VAX1: variants seen among roughly 807,000 people sequenced by gnomAD.
The protein encoded by VAX1 is ventral anterior homeobox 1.
A neutral mutation model predicts 17.6 loss-of-function variants in VAX1; 6 were observed. The observed-to-expected ratio is 0.34, with a 90% CI of 0.19 to 0.67. The LOEUF is 0.67. Ranked by LOEUF, VAX1 falls within the 30% of genes least tolerant of loss-of-function variation. VAX1 has a pLI of 0.69. For synonymous variants in VAX1, 256 were observed against 227.4 expected, an observed-to-expected ratio of 1.13 and a Z score of -1.13; for missense variants, 408 against 463.7, an observed-to-expected ratio of 0.88 and a Z score of 1.10.
rs1343825025 is a variant in VAX1, at chr10:117,136,548, T to A, written c.353A>T (p.Glu118Val). 1.2e-6 allele frequency: 2 copies of A among 1,613,262 alleles called. No homozygotes were observed. The highest frequency in any genetic ancestry group is 3.3e-5 in the Admixed American group (2 of 60,024). Residue 118 changes from glutamate to valine, a missense_variant, in exon 2 of 3, where the codon GAG becomes GTG. Glu to Val is a moderately radical substitution (Grantham distance 121). Around this residue, in one of 4 missense-constraint regions of VAX1, gnomAD observed 75 missense variants for 116.1 expected, o/e 0.65. Transcript: ENST00000369206. This position sits in a 1 kb window ranked among gnomAD's most constrained non-coding sequence, Gnocchi z 5.0. The part of the protein sequence containing the change: ...TAEQLYRLEM[E>V]FQRCQYVVGR... ...CACCACGTACTGGCAGCGCTGGAAC[T>A]CCATCTCCAGCCGATAGAGCTGCTC... is the stretch of plus-strand genomic sequence containing the variant.
rs1170608488 is a variant in VAX1 at position 117,134,905 on chromosome 10, C to G, written c.430-322G>C. ...GACCGGAAAGGGTTTCACTGGCTTC[C>G]GCGCTACCCCGCAGCGGTGTTTGGG... On this transcript the variant is annotated intron_variant, in intron 2 of 2. Transcript: ENST00000369206. This position sits in a 1 kb window ranked among gnomAD's most constrained non-coding sequence, Gnocchi z 6.2. 6.6e-6 allele frequency among the ~76,000 whole-genome samples: 1 copy of G among 152,184 alleles called. No individual in the cohort carries two copies. Among genetic ancestry groups the G allele is most frequent in the African/African-American group, 2.4e-5 (1 of 41,456 alleles).
In VAX1 at chr10:117,133,479, GCAAAGCGGGGC is replaced by G; in HGVS notation, c.*518_*528del. On this transcript the variant is annotated 3_prime_UTR_variant, in exon 3 of 3. Coordinates refer to ENST00000369206, the MANE Select transcript of VAX1 (RefSeq NM_001112704.2). The stretch of plus-strand genomic sequence containing the variant: ...GTGTACCGACTATCCCGAGAGGTCC[GCAAAGCGGGGC>G]CCAGGGGCTCCCACAAGCCCTGGTT... 1 of 985,562 alleles carries G rather than the reference GCAAAGCGGGGC, an allele frequency of 1.0e-6. No individual in the cohort carries two copies. Among genetic ancestry groups the G allele is most frequent in the Non-Finnish European group, 1.2e-6 (1 of 830,044 alleles). 61.1% of individuals were successfully genotyped at this position (985,562 alleles called of 1,614,324 possible).
chr10:117,131,892 G>A, downstream of VAX1: 2 of 345,038 alleles, frequency 5.8e-6, no homozygotes, highest in Non-Finnish European at 1.0e-5. Flanking sequence ...GCCTATTCTG[G>A]GCCCATGATT....
rs905407973 is a variant in VAX1 at position 117,133,886 on chromosome 10, C to T, written c.*122G>A. The T allele has an allele frequency of 7.2e-7, 1 of 1,390,088 alleles. No homozygotes were observed. Among genetic ancestry groups the T allele is most frequent in the African/African-American group, 1.5e-5 (1 of 65,290 alleles). The allele number at this position is 1,390,088 out of a possible 1,614,324, so 86.1% of individuals were successfully genotyped here. A position where few individuals can be genotyped will look rare whatever the true frequency, so the allele number is the denominator to read the frequency against. ...AGCAGAGTCTAGTGGGAAAGGAGAG[C>T]TGTCAGAGGCCTGGTGGGAGCCAGG... is the stretch of plus-strand genomic sequence containing the variant. On this transcript the variant is annotated 3_prime_UTR_variant, in exon 3 of 3. Transcript: ENST00000369206.
In VAX1 at chr10:117,137,820, G is replaced by T. The variant is rs986500829; in HGVS notation, c.237C>A (p.Val79=). 3.3e-5 allele frequency: 54 copies of T among 1,612,098 alleles called. No individual in the cohort carries two copies. Among genetic ancestry groups the T allele is most frequent in the Non-Finnish European group, 4.5e-5 (53 of 1,179,934 alleles). The change falls in exon 1 of 3, where the codon GTC becomes GTA. Residue 79 remains valine (V), a synonymous_variant. Transcript: ENST00000369206. The surrounding 1 kb of genome is among the most constrained non-coding windows in gnomAD (Gnocchi z 7.4). The stretch of plus-strand genomic sequence containing the variant: ...GGCAGCCCTGCCCATCCCTACCTCG[G>T]ACCAGGATCCGGCGGCAGTAATCCG... ...ADPDYCRRIL[V]RDAKGSIREI... is the part of the protein sequence containing the mutation.
rs1384329942 is a variant in VAX1 at position 117,133,715 on chromosome 10, G to C, written c.*293C>G. 1 of 1,150,392 alleles carries C rather than the reference G, an allele frequency of 8.7e-7. No individual in the cohort carries two copies. The highest frequency in any genetic ancestry group is 1.1e-6 in the Non-Finnish European group (1 of 937,492). The allele number at this position is 1,150,392 out of a possible 1,614,324, so 71.3% of individuals were successfully genotyped here. On this transcript the variant is annotated 3_prime_UTR_variant, in exon 3 of 3. Coordinates refer to ENST00000369206, the MANE Select transcript of VAX1 (RefSeq NM_001112704.2). ...TCTTTTCCCTCCTGGGCTGGGCACG[G>C]GGTCAGGGCATCAGGTTGACTAACT...
Position 117,138,145 on chromosome 10 carries a change from A to G in VAX1, c.-89T>C. On this transcript the variant is annotated 5_prime_UTR_variant, in exon 1 of 3. Transcript: ENST00000369206. ...GCGGAGAAGGAAAAAAAAAAGAGGAAAAAGGGGACAAAACCCCCGACAACG... is the reference window on the plus strand; with the variant it reads ...GCGGAGAAGGAAAAAAAAAAGAGGAGAAAGGGGACAAAACCCCCGACAACG... 1 of 1,203,482 alleles carries G rather than the reference A, an allele frequency of 8.3e-7. No homozygotes were observed. The highest frequency in any genetic ancestry group is 1.1e-6 in the Non-Finnish European group (1 of 898,272). 74.6% of individuals were successfully genotyped at this position (1,203,482 alleles called of 1,614,324 possible).
chr10:117,133,591 T>G lies in VAX1; in HGVS notation c.*417A>C, dbSNP rs184786045. 1.4e-4 allele frequency: 143 copies of G among 987,984 alleles called. 1 individual carries two copies. The African/African-American group carries it at 2.3e-3, about 16-fold the overall frequency. The allele number at this position is 987,984 out of a possible 1,614,324, so 61.2% of individuals were successfully genotyped here. A position where few individuals can be genotyped will look rare whatever the true frequency, so the allele number is the denominator to read the frequency against. ...GAAGCCCCTGGGGTCTGCGCGCAGT[T>G]TTCCTCTTTCAAATATTCCTAGGAA... On this transcript the variant is annotated 3_prime_UTR_variant, in exon 3 of 3. Coordinates refer to ENST00000369206, the MANE Select transcript of VAX1 (RefSeq NM_001112704.2).
rs1385520483 is a variant in VAX1, at chr10:117,137,746, G to T, written c.241+70C>A. The T allele has an allele frequency of 2.5e-6, 4 of 1,602,594 alleles. No homozygotes were observed. In the African/African-American group the frequency reaches 5.3e-5, roughly 21 times the overall value. On this transcript the variant is annotated intron_variant, in intron 1 of 2. Coordinates refer to ENST00000369206, the MANE Select transcript of VAX1 (RefSeq NM_001112704.2). This position sits in a 1 kb window ranked among gnomAD's most constrained non-coding sequence, Gnocchi z 7.4. The stretch of plus-strand genomic sequence containing the variant: ...CACTCCTTCCCACCGGCCTGTGTCG[G>T]CGGCAGCGCGCAGCTCCGGCCCCGG...
Position 117,134,280 on chromosome 10 carries a change from G to T in VAX1, c.733C>A (p.Pro245Thr). Residue 245 changes from proline to threonine, a missense_variant, in exon 3 of 3, where the codon CCG becomes ACG. By Grantham distance (38) the Pro-to-Thr change is conservative. Transcript: ENST00000369206. The surrounding 1 kb of genome is among the most constrained non-coding windows in gnomAD (Gnocchi z 6.2). ...GPAGAASPHP[P>T]AVGGAPGPGP... ...GGACCTGGAGCACCGCCCACAGCCGGCGGGTGCGGGGATGCAGCGCCCGCT... is the reference window on the plus strand; with the variant it reads ...GGACCTGGAGCACCGCCCACAGCCGTCGGGTGCGGGGATGCAGCGCCCGCT... 8.0e-7 allele frequency: 1 copy of T among 1,253,460 alleles called. No individual in the cohort carries two copies. The highest frequency in any genetic ancestry group is 1.0e-6 in the Non-Finnish European group (1 of 1,003,280). 77.6% of individuals were successfully genotyped at this position (1,253,460 alleles called of 1,614,324 possible).
In VAX1 at chr10:117,137,879, A is replaced by C; in HGVS notation, c.178T>G (p.Cys60Gly). Residue 60 changes from cysteine to glycine, a missense_variant, in exon 1 of 3, where the codon TGT becomes GGT. Coordinates refer to ENST00000369206, the MANE Select transcript of VAX1 (RefSeq NM_001112704.2). The surrounding 1 kb of genome is among the most constrained non-coding windows in gnomAD (Gnocchi z 7.4). Reference sequence around the variant, plus strand: ...GCGGAATTGGATTTACTTTTGTTACAATCCTCAGCAGCGCCCGACGCTGAG... The same window carrying C: ...GCGGAATTGGATTTACTTTTGTTACCATCCTCAGCAGCGCCCGACGCTGAG... ...AFSASGAAEDCNKSKSNSAAD... is the reference protein window; with the variant it reads ...AFSASGAAEDGNKSKSNSAAD... 1 of 1,613,702 alleles carries C rather than the reference A, an allele frequency of 6.2e-7. No homozygotes were observed. The highest frequency in any genetic ancestry group is 8.5e-7 in the Non-Finnish European group (1 of 1,179,960).
downstream of VAX1, chr10:117,132,135 C>T: frequency 6.7e-7 from 1 of 1,483,800 alleles, no homozygotes; most frequent in Non-Finnish European, 9.2e-7. This position sits in a 1 kb window ranked among gnomAD's most constrained non-coding sequence, Gnocchi z 4.9. Context: ...CCAGGCGTCT[C>T]TGCCTCTCCG....
In VAX1 at chr10:117,134,601, G is replaced by A. The variant is rs1013550071; in HGVS notation, c.430-18C>T. On this transcript the variant is annotated intron_variant, in intron 2 of 2. Transcript: ENST00000369206. The surrounding 1 kb of genome is among the most constrained non-coding windows in gnomAD (Gnocchi z 6.2). ...ACCTTCACCTGCGCGCCGGGGTGCG[G>A]GGAGAGTTGGAGAGAGGGGCAGGGA... 1.1e-5 allele frequency: 16 copies of A among 1,512,064 alleles called. No individual in the cohort carries two copies. The East Asian group carries it at 1.4e-4, about 13-fold the overall frequency. 93.7% of individuals were successfully genotyped at this position (1,512,064 alleles called of 1,614,324 possible).
downstream of VAX1, chr10:117,128,976 A>C (rs927450089): frequency 9.9e-5 from 15 of 152,258 alleles, no homozygotes; most frequent in African/African-American, 3.6e-4. Context: ...TGCTCCATTA[A>C]AATGAAACCT....
chr10:117,135,451 G>A (rs1239716243), intron 2 of VAX1, among the ~76,000 whole-genome samples: 1 of 152,156 alleles, frequency 6.6e-6, no homozygotes, highest in African/African-American at 2.4e-5. Flanking sequence ...GAGTTTTGCA[G>A]CAATAGGCAA....
chr10:117,132,420 C>T, downstream of VAX1: 1 of 1,612,164 alleles, frequency 6.2e-7, no homozygotes, highest in Non-Finnish European at 8.5e-7. The surrounding 1 kb of genome is among the most constrained non-coding windows in gnomAD (Gnocchi z 4.9). Context: ...AGTTAGTAGC[C>T]TGGATTCAGT....
Position 117,136,493 on chromosome 10 carries a change from C to T in VAX1, c.408G>A (p.Gln136=), listed in dbSNP as rs527889359. 2 of 1,613,684 alleles carry T rather than the reference C, an allele frequency of 1.2e-6. No homozygotes were observed. Among genetic ancestry groups the T allele is most frequent in the South Asian group, 2.2e-5 (2 of 91,064 alleles). Residue 136 remains glutamine, a synonymous_variant, in exon 2 of 3, where the codon CAG becomes CAA. Transcript: ENST00000369206. This position sits in a 1 kb window ranked among gnomAD's most constrained non-coding sequence, Gnocchi z 5.0. ...GTACCTGGGTCTCGGAGAGGTTAAGCTGCCGGGCGAGCTCGGTCCTCTCGC... is the reference window on the plus strand; with the variant it reads ...GTACCTGGGTCTCGGAGAGGTTAAGTTGCCGGGCGAGCTCGGTCCTCTCGC... ...VGRERTELAR[Q]LNLSETQVKV... is the part of the protein sequence containing the mutation.
Position 117,133,624 on chromosome 10 carries a change from C to T in VAX1, c.*384G>A. 1 of 994,122 alleles carries T rather than the reference C, an allele frequency of 1.0e-6. No individual in the cohort carries two copies. The highest frequency in any genetic ancestry group is 1.2e-6 in the Non-Finnish European group (1 of 835,984). The allele number at this position is 994,122 out of a possible 1,614,324, so 61.6% of individuals were successfully genotyped here. A position where few individuals can be genotyped will look rare whatever the true frequency, so the allele number is the denominator to read the frequency against. Reference sequence around the variant, plus strand: ...TTCAAATATTCCTAGGAATAGTCGGCAGCGGCAGCAGCCGCAGCAGCCGCG... The same window carrying T: ...TTCAAATATTCCTAGGAATAGTCGGTAGCGGCAGCAGCCGCAGCAGCCGCG... On this transcript the variant is annotated 3_prime_UTR_variant, in exon 3 of 3. Transcript: ENST00000369206.
rs1854122650 is a variant in VAX1, at chr10:117,133,701, C to T, written c.*307G>A. The T allele has an allele frequency of 2.7e-6, 3 of 1,120,086 alleles. No individual in the cohort carries two copies. In the South Asian group the frequency reaches 8.9e-5, roughly 33 times the overall value. 69.4% of individuals were successfully genotyped at this position (1,120,086 alleles called of 1,614,324 possible). ...GGAGTTAGAACCAGTCTTTTCCCTC[C>T]TGGGCTGGGCACGGGGTCAGGGCAT... On this transcript the variant is annotated 3_prime_UTR_variant, in exon 3 of 3. Transcript: ENST00000369206.
Sources: allele counts gnomAD v4.1 joint callset (sites outside exome capture counted in the v4.1 genomes callset), GRCh38; gene constraint gnomAD v4.1.1; regional missense constraint gnomAD v4.1.1; non-coding constraint Gnocchi (gnomAD v3.1); transcripts MANE v1.5; gene names NCBI Gene and HGNC (gene_info 2026-07-23, HGNC 2026-07-21).